CSMD1: variants seen among roughly 807,000 people sequenced by gnomAD.
The protein encoded by CSMD1 is CUB and sushi domain-containing protein 1.
CSMD1 carries 213 observed loss-of-function variants against 417.5 expected under a neutral mutation model. The observed-to-expected ratio is 0.51, with a 90% CI of 0.46 to 0.57. The LOEUF is 0.57. CSMD1 is among the 20% of genes least tolerant of loss of function. The pLI is 0.00. For missense variants in CSMD1, 6,923 were observed against 4,529.7 expected (o/e 1.53, Z -15.17); for synonymous variants, 2,862 against 1,736.8 (o/e 1.65, Z -16.11).
chr8:3,592,771 T>C (rs1222944565), intron 8 of CSMD1, among the ~76,000 whole-genome samples: 2 of 152,144 alleles, frequency 1.3e-5, no homozygotes, highest in African/African-American at 2.4e-5. Flanking sequence ...AGGACTTTTG[T>C]CCTAGCACAG....
chr8:3,216,450 T>C (rs945093801), intron 29 of CSMD1, among the ~76,000 whole-genome samples: 3 of 152,232 alleles, frequency 2.0e-5, no homozygotes. Flanking sequence ...TGTATGTCTG[T>C]TGCTCTTGTG....
At chr8:3,803,247 G>A (rs1205590817) in intron 5 of CSMD1, among the ~76,000 whole-genome samples, 1 of 152,102 alleles carries the variant, frequency 6.6e-6, no homozygotes, top group African/African-American at 2.4e-5. Context: ...TGACTGCTTG[G>A]CATAAAGTCA....
chr8:3,139,672 G>T (rs941040628), intron 41 of CSMD1, among the ~76,000 whole-genome samples: 1 of 152,026 alleles, frequency 6.6e-6, no homozygotes, highest in Admixed American at 6.6e-5. Flanking sequence ...GAGGTCCAAG[G>T]TACATTAAAA....
intron 33 of CSMD1, among the ~76,000 whole-genome samples, chr8:3,199,083 A>G (rs1301276811): frequency 2.6e-5 from 4 of 152,238 alleles, no homozygotes; most frequent in African/African-American, 9.6e-5. Context: ...TGCAAAACAA[A>G]AGTGAAACAA....
intron 7 of CSMD1, 29 bp from the exon 8 acceptor site, chr8:3,616,826 G>A: frequency 2.7e-6 from 4 of 1,484,396 alleles, no homozygotes; most frequent in Non-Finnish European, 3.7e-6. Context: ...TTGTCAAAAT[G>A]CTGTATAGTT....
chr8:4,626,588 G>A (rs1036197195), intron 2 of CSMD1, among the ~76,000 whole-genome samples: 1 of 152,098 alleles, frequency 6.6e-6, no homozygotes, highest in Non-Finnish European at 1.5e-5. Context: ...TGGAGCCAAG[G>A]AAATCCAGTC....
At chr8:3,211,718 G>A (rs187375526) in intron 30 of CSMD1, among the ~76,000 whole-genome samples, 121 of 152,294 alleles carry the variant, frequency 7.9e-4, no homozygotes, top group African/African-American at 1.6e-3. Context: ...ACCTTTCAGT[G>A]CTGCCGTTGG....
intron 23 of CSMD1, among the ~76,000 whole-genome samples, chr8:3,327,900 G>C (rs1003088800): frequency 3.9e-5 from 6 of 152,102 alleles, no homozygotes; most frequent in Non-Finnish European, 5.9e-5. Flanking sequence ...CTGTGACCCG[G>C]ATCCTTTAAT....
intron 6 of CSMD1, among the ~76,000 whole-genome samples, chr8:3,714,644 C>G (rs952025433): frequency 6.8e-6 from 1 of 147,128 alleles, no homozygotes; most frequent in East Asian, 2.1e-4. Context: ...GGCTGAGGAA[C>G]TAGAATTGCT....
chr8:3,461,266 G>A (rs1816483095), intron 12 of CSMD1, among the ~76,000 whole-genome samples: 1 of 152,232 alleles, frequency 6.6e-6, no homozygotes, highest in African/African-American at 2.4e-5. Context: ...TCCTGCCACA[G>A]ACTGCAAGTC....
intron 3 of CSMD1, among the ~76,000 whole-genome samples, chr8:4,314,845 C>A (rs1003257565): frequency 3.3e-5 from 5 of 152,136 alleles, no homozygotes; most frequent in African/African-American, 1.2e-4. Flanking sequence ...GAGGAGGGAG[C>A]TGCGACAAGC....
At chr8:3,550,901 T>C (rs11785826) in intron 10 of CSMD1, among the ~76,000 whole-genome samples, 68,442 of 151,998 alleles carry the variant, frequency 0.45, 15,657 homozygotes, top group East Asian at 0.53. Flanking sequence ...CACTCGAAAA[T>C]AGGAGTATGG....
intron 23 of CSMD1, among the ~76,000 whole-genome samples, chr8:3,321,487 G>C (rs1295107105): frequency 1.3e-5 from 2 of 152,050 alleles, no homozygotes; most frequent in African/African-American, 4.8e-5. Context: ...GCAATGACAG[G>C]TGCTCTGCGT....
intron 1 of CSMD1, among the ~76,000 whole-genome samples, chr8:4,676,240 CTCT>C (rs946834019): frequency 1.3e-5 from 2 of 152,098 alleles, no homozygotes; most frequent in African/African-American, 4.8e-5. Context: ...TTTAGAGTTG[CTCT>C]TCTCCTTTGC....
At chr8:4,926,433 A>G (rs567434916) in intron 1 of CSMD1, among the ~76,000 whole-genome samples, 3 of 152,264 alleles carry the variant, frequency 2.0e-5, no homozygotes, top group African/African-American at 7.2e-5. Flanking sequence ...TCTCACACTT[A>G]ATACTGGCGC....
At chr8:3,469,855 A>G (rs1039476697) in intron 11 of CSMD1, among the ~76,000 whole-genome samples, 1 of 152,218 alleles carries the variant, frequency 6.6e-6, no homozygotes, top group Admixed American at 6.5e-5. Flanking sequence ...ATTTCTGTGA[A>G]TGCTGTGTGG....
chr8:4,299,129 G>T (rs538395548), intron 3 of CSMD1, among the ~76,000 whole-genome samples: 1 of 152,102 alleles, frequency 6.6e-6, no homozygotes, highest in South Asian at 2.1e-4. Flanking sequence ...AACATTAAAA[G>T]ATCTTGCCAA....
chr8:4,867,609 A>G (rs530129900), intron 1 of CSMD1, among the ~76,000 whole-genome samples: 39 of 152,148 alleles, frequency 2.6e-4, no homozygotes, highest in South Asian at 1.7e-3. Context: ...TTTTTGTATC[A>G]CCTTGCACTT....
Position 3,663,250 on chromosome 8 carries a change from G to T in CSMD1, c.1009+45164C>A, listed in dbSNP as rs75627312. Among the ~76,000 whole-genome samples the T allele has an allele frequency of 1.3e-3, 205 of 152,282 alleles. 2 individuals are homozygous for T. Among genetic ancestry groups the T allele is most frequent in the African/African-American group, 4.7e-3 (197 of 41,556 alleles). On this transcript the variant is annotated intron_variant, in intron 7 of 69. Coordinates refer to ENST00000635120, the MANE Select transcript of CSMD1 (RefSeq NM_033225.6). Reference sequence around the variant, plus strand: ...AAGAGTTGAAGAGGCCGTTCTCCATGAAAGTGAGAGAGTGCTGATACTACT... The same window carrying T: ...AAGAGTTGAAGAGGCCGTTCTCCATTAAAGTGAGAGAGTGCTGATACTACT...
Sources: allele counts gnomAD v4.1 joint callset (sites outside exome capture counted in the v4.1 genomes callset), GRCh38; gene constraint gnomAD v4.1.1; transcripts MANE v1.5; gene names NCBI Gene and HGNC (gene_info 2026-07-23, HGNC 2026-07-21).